TRAF6: variants seen among roughly 807,000 people sequenced by gnomAD.
TRAF6 encodes the protein TNF receptor associated factor 6, also known as TNF receptor-associated factor 6.
A neutral mutation model predicts 48.4 loss-of-function variants in TRAF6; 10 were observed. The ratio of observed to expected loss-of-function variants is 0.21; its 90% confidence interval spans 0.13 to 0.35. The LOEUF (loss-of-function observed/expected upper bound fraction) is 0.35. TRAF6 is among the 10% of genes least tolerant of loss of function. The pLI is 1.00. For synonymous variants in TRAF6, 186 were observed against 219.6 expected, an observed-to-expected ratio of 0.85 and a Z score of 1.35; for missense variants, 397 against 661.0, an observed-to-expected ratio of 0.60 and a Z score of 4.38.
In TRAF6 at chr11:36,486,186, T is replaced by C. The variant is rs1798214740; in HGVS notation, c.*3652A>G. On this transcript the variant is annotated 3_prime_UTR_variant, in exon 7 of 7. Transcript: ENST00000526995. ...TCCCAAGAAGCTGGGATTACAGGCA[T>C]GTATCATGACACCTGGCTAATTTTT... is the stretch of plus-strand genomic sequence containing the variant. Among the ~76,000 whole-genome samples, 1 of 152,074 alleles carries C rather than the reference T, an allele frequency of 6.6e-6. No individual in the cohort carries two copies. Among genetic ancestry groups the C allele is most frequent in the Non-Finnish European group, 1.5e-5 (1 of 68,014 alleles).
At chr11:36,495,987 A>G (rs529631364) in intron 4 of TRAF6, among the ~76,000 whole-genome samples, 1 of 152,206 alleles carries the variant, frequency 6.6e-6, no homozygotes, top group African/African-American at 2.4e-5. Context: ...TTTTTTGAAT[A>G]TTTTATCAAT....
Position 36,501,339 on chromosome 11 carries a change from C to T in TRAF6, c.177G>A (p.Glu59=), listed in dbSNP as rs1360402969. ...ACTTGCTTTCCAGGGGTGGGTCAAA[C>T]TCTACATCATATCCCTGGATCTCCT... ...FMEEIQGYDV[E]FDPPLESKYE... The change falls in exon 2 of 7, where the codon GAG becomes GAA. Residue 59 remains glutamate (E), a synonymous_variant. Coordinates refer to ENST00000526995, the MANE Select transcript of TRAF6 (RefSeq NM_004620.4). The T allele has an allele frequency of 2.5e-6, 4 of 1,614,068 alleles. No homozygotes were observed. The highest frequency in any genetic ancestry group is 3.4e-6 in the Non-Finnish European group (4 of 1,180,024).
rs766463491 is a variant in TRAF6 at position 36,485,290 on chromosome 11, G to A, written c.*4548C>T. 4.6e-5 allele frequency among the ~76,000 whole-genome samples: 7 copies of A among 152,246 alleles called. No individual in the cohort carries two copies. The highest frequency in any genetic ancestry group is 8.8e-5 in the Non-Finnish European group (6 of 68,040). ...CAGAAATTGGTCAGCTTCAACTGCT[G>A]CTTTCAATAAATGTTCATTATTACG... On this transcript the variant is annotated 3_prime_UTR_variant, in exon 7 of 7. Transcript: ENST00000526995.
In TRAF6 at chr11:36,490,494, G is replaced by A; in HGVS notation, c.913C>T (p.Arg305Cys). ...FQETIHQLEG[R>C]LVRQDHQIRE... ...ATTTGATGGTCTTGTCTTACAAGGCGACCCTCTAACTGGTGAATAGTTTCC... is the reference window on the plus strand; with the variant it reads ...ATTTGATGGTCTTGTCTTACAAGGCAACCCTCTAACTGGTGAATAGTTTCC... The change falls in exon 7 of 7, where the codon CGC becomes TGC. Residue 305 changes from arginine to cysteine, a missense_variant. Arg to Cys is a radical substitution (Grantham distance 180, BLOSUM62 -3). This residue lies in a region of TRAF6 where 245 missense variants were observed against 349.1 expected (regional missense o/e 0.70). Coordinates refer to ENST00000526995, the MANE Select transcript of TRAF6 (RefSeq NM_004620.4). This position sits in a 1 kb window ranked among gnomAD's most constrained non-coding sequence, Gnocchi z 6.4. 6.2e-7 allele frequency: 1 copy of A among 1,613,634 alleles called. No individual in the cohort carries two copies. The highest frequency in any genetic ancestry group is 1.1e-5 in the South Asian group (1 of 91,048).
intron 1 of TRAF6, among the ~76,000 whole-genome samples, chr11:36,509,425 CT>C (rs879350395): frequency 4.6e-3 from 671 of 144,474 alleles, no homozygotes; most frequent in Non-Finnish European, 4.5e-3. Flanking sequence ...TCATCTGAGC[CT>C]TTTTTTTTTT....
At position 36,492,434 on chromosome 11, in the gene TRAF6, T is replaced by C. The variant is rs886363756; in HGVS notation, c.756+117A>G. 1.3e-5 allele frequency: 11 copies of C among 848,634 alleles called. No homozygotes were observed. In the African/African-American group the frequency reaches 1.9e-4, roughly 15 times the overall value. 52.6% of individuals were successfully genotyped at this position (848,634 alleles called of 1,614,324 possible). A position where few individuals can be genotyped will look rare whatever the true frequency, so the allele number is the denominator to read the frequency against. On this transcript the variant is annotated intron_variant, in intron 6 of 6. Transcript: ENST00000526995. ...ACAGCATCCATGAATAACTCTATTA[T>C]ATCACTTATTACACTGCTTTACAAC...
At chr11:36,501,675 C>G in intron 1 of TRAF6, 138 bp from the exon 2 acceptor site, 2 of 608,836 alleles carry the variant, frequency 3.3e-6, no homozygotes, top group Non-Finnish European at 5.0e-6. Context: ...TTACAGAAAA[C>G]TTTTAAAAGT....
In TRAF6 at chr11:36,486,346, A is replaced by C. The variant is rs1370498401; in HGVS notation, c.*3492T>G. Reference sequence around the variant, plus strand: ...GAGCCACCGTGCCCAGCCTAATAGTATTTTATATAAAATAATGAGTAGAAC... The same window carrying C: ...GAGCCACCGTGCCCAGCCTAATAGTCTTTTATATAAAATAATGAGTAGAAC... On this transcript the variant is annotated 3_prime_UTR_variant, in exon 7 of 7. Transcript: ENST00000526995. 6.6e-6 allele frequency among the ~76,000 whole-genome samples: 1 copy of C among 152,096 alleles called. No homozygotes were observed. Among genetic ancestry groups the C allele is most frequent in the Non-Finnish European group, 1.5e-5 (1 of 68,020 alleles).
At chr11:36,506,890 T>G (rs1021338638) in intron 1 of TRAF6, among the ~76,000 whole-genome samples, 1 of 152,094 alleles carries the variant, frequency 6.6e-6, no homozygotes, top group Non-Finnish European at 1.5e-5. Context: ...TAACTAGACA[T>G]AAAGGGAAAA....
intron 1 of TRAF6, among the ~76,000 whole-genome samples, chr11:36,504,821 T>C (rs535119354): frequency 1.3e-5 from 2 of 152,358 alleles, no homozygotes; most frequent in Admixed American, 6.5e-5. Flanking sequence ...ATCCATGGGC[T>C]ACAAAATGAA....
chr11:36,498,947 G>A (rs1859678698), intron 2 of TRAF6, among the ~76,000 whole-genome samples: 1 of 152,204 alleles, frequency 6.6e-6, no homozygotes, highest in Non-Finnish European at 1.5e-5. Flanking sequence ...GGTACAAAAT[G>A]AAGTGAAAGA....
Position 36,484,132 on chromosome 11 carries a change from T to C in TRAF6, c.*5706A>G, listed in dbSNP as rs1859448174. Among the ~76,000 whole-genome samples the C allele has an allele frequency of 6.6e-6, 1 of 152,216 alleles. No individual in the cohort carries two copies. The highest frequency in any genetic ancestry group is 2.4e-5 in the African/African-American group (1 of 41,448). ...TGACCTGATGGAGGCCATCCGAGGT[T>C]TCACTGCCATTAGGAGCAGGGCTTG... On this transcript the variant is annotated 3_prime_UTR_variant, in exon 7 of 7. Coordinates refer to ENST00000526995, the MANE Select transcript of TRAF6 (RefSeq NM_004620.4).
chr11:36,497,356 C>T, intron 3 of TRAF6, 90 bp from the exon 4 acceptor site: 7 of 1,248,708 alleles, frequency 5.6e-6, no homozygotes, highest in Non-Finnish European at 7.7e-6. Context: ...TCTCTTTCAG[C>T]AGGCTACTGA....
chr11:36,507,919 G>A (rs993564561), intron 1 of TRAF6, among the ~76,000 whole-genome samples: 8 of 148,624 alleles, frequency 5.4e-5, no homozygotes, highest in Non-Finnish European at 1.0e-4. Flanking sequence ...GCAGTGGCAC[G>A]ATCATGGCTC....
intron 2 of TRAF6, among the ~76,000 whole-genome samples, chr11:36,500,971 TAAGTAA>T (rs1001240373): frequency 5.9e-5 from 9 of 152,292 alleles, no homozygotes; most frequent in African/African-American, 1.9e-4. Context: ...AGAATTGCTT[TAAGTAA>T]AAGTAGCAAA....
chr11:36,491,308 A>T (rs1468349892), intron 6 of TRAF6, among the ~76,000 whole-genome samples: 2 of 152,210 alleles, frequency 1.3e-5, no homozygotes. Context: ...AACAATTTTT[A>T]TTATAAAAGG....
chr11:36,501,641 G>T, intron 1 of TRAF6, 104 bp from the exon 2 acceptor site: 1 of 854,852 alleles, frequency 1.2e-6, no homozygotes, highest in Non-Finnish European at 1.7e-6. Flanking sequence ...TTTAATTCAT[G>T]TACATCAGCT....
intron 1 of TRAF6, 22 bp downstream of exon 1, chr11:36,510,026 G>C (rs1445037767): frequency 6.6e-6 from 1 of 152,414 alleles, no homozygotes; most frequent in Admixed American, 6.5e-5. Flanking sequence ...CCGCCAGGAG[G>C]AGGCGCCTGA....
At chr11:36,506,147 A>C (rs1002199814) in intron 1 of TRAF6, among the ~76,000 whole-genome samples, 6 of 151,886 alleles carry the variant, frequency 4.0e-5, no homozygotes, top group Non-Finnish European at 7.4e-5. Context: ...AAAAAAAAAA[A>C]ACAAAAAAGT....
Sources: gnomAD v4.1 joint callset for allele counts (sites outside exome capture counted in the v4.1 genomes callset) on GRCh38, gnomAD v4.1.1 for gene constraint, gnomAD v4.1.1 regional missense constraint, Gnocchi (gnomAD v3.1) non-coding constraint, MANE v1.5 for transcripts, NCBI Gene and HGNC (gene_info 2026-07-23, HGNC 2026-07-21) for gene names.